The following HTR2C variants were observed in gnomAD, a reference collection of about 807,000 sequenced individuals.
HTR2C encodes the protein 5-hydroxytryptamine (serotonin) receptor 2C, G protein-coupled.
A neutral mutation model predicts 21.0 loss-of-function variants in HTR2C; 5 were observed. The observed-to-expected ratio is 0.24, with a 90% CI of 0.12 to 0.50. The LOEUF is 0.50. Ranked by LOEUF, HTR2C falls within the 20% of genes least tolerant of loss-of-function variation. The pLI is 0.98. For synonymous variants in HTR2C, 150 were observed against 145.3 expected (o/e 1.03, Z -0.23); for missense variants, 271 against 371.2 (o/e 0.73, Z 2.22).
chrX:114,767,889 G>A (rs2147386816), intron 4 of HTR2C, among the ~76,000 whole-genome samples: 1 of 109,827 alleles, frequency 9.1e-6, no homozygotes, highest in African/African-American at 3.3e-5. Flanking sequence ...CCAGTGAGTG[G>A]CACATATAAA....
chrX:114,786,347 T>C (rs2070174130), intron 4 of HTR2C, among the ~76,000 whole-genome samples: 1 of 112,039 alleles, frequency 8.9e-6, no homozygotes, highest in African/African-American at 3.2e-5. Context: ...GGGTTACACA[T>C]GAGCACCAAG....
intron 4 of HTR2C, among the ~76,000 whole-genome samples, chrX:114,758,903 C>A (rs1412440185): frequency 9.0e-6 from 1 of 111,722 alleles, no homozygotes; most frequent in South Asian, 3.7e-4. Context: ...TTGCCTGATA[C>A]AGATATTTTA....
At chrX:114,838,244 A>G (rs1178514171) in intron 4 of HTR2C, among the ~76,000 whole-genome samples, 1 of 111,639 alleles carries the variant, frequency 9.0e-6, no homozygotes, top group Admixed American at 9.5e-5. Context: ...AAGTTTTGCT[A>G]TTGACACTGT....
chrX:114,732,582 A>G (rs2147347349), intron 4 of HTR2C, among the ~76,000 whole-genome samples: 1 of 111,809 alleles, frequency 8.9e-6, no homozygotes, highest in South Asian at 3.7e-4. Flanking sequence ...GCAACAGTAG[A>G]TTATCTTAAT....
At chrX:114,621,338 G>T (rs1222955372) in intron 2 of HTR2C, among the ~76,000 whole-genome samples, 1 of 112,173 alleles carries the variant, frequency 8.9e-6, no homozygotes, top group African/African-American at 3.2e-5. Context: ...ACTCAGCTCT[G>T]CCATTGTAGC....
intron 5 of HTR2C, among the ~76,000 whole-genome samples, chrX:114,882,068 T>C (rs2071185857): frequency 9.0e-6 from 1 of 110,919 alleles, no homozygotes; most frequent in South Asian, 3.7e-4. Context: ...TGCATTTCTT[T>C]GGTTAAAATT....
At chrX:114,883,274 A>G (rs1270985067) in intron 5 of HTR2C, among the ~76,000 whole-genome samples, 1 of 110,206 alleles carries the variant, frequency 9.1e-6, no homozygotes, top group East Asian at 2.8e-4. Context: ...CTACCTATCT[A>G]TCCATCCATC....
Position 114,657,163 on chromosome X carries a change from CATG to C in HTR2C, c.-80+43285_-80+43287del, listed in dbSNP as rs1556409399. Reference sequence around the variant, plus strand: ...TTATCTTGACACATTTCTTGATTTTCATGATATTAGTGTAAAATATAAATATTT... The same window carrying C: ...TTATCTTGACACATTTCTTGATTTTCATATTAGTGTAAAATATAAATATTT... On this transcript the variant is annotated intron_variant, in intron 2 of 5. Coordinates refer to ENST00000276198, the MANE Select transcript of HTR2C (RefSeq NM_000868.4). Among the ~76,000 whole-genome samples the C allele has an allele frequency of 6.3e-5, 7 of 110,744 alleles. No individual in the cohort carries two copies. In the South Asian group the frequency reaches 1.1e-3, roughly 18 times the overall value.
chrX:114,697,678 C>G (rs1932319916), intron 2 of HTR2C, among the ~76,000 whole-genome samples: 1 of 112,559 alleles, frequency 8.9e-6, no homozygotes, highest in African/African-American at 3.2e-5. Context: ...TTCTTCACCC[C>G]TGTTCTCTAC....
chrX:114,646,226 G>GTGATATTCTT (rs1556407503), intron 2 of HTR2C, among the ~76,000 whole-genome samples: 1 of 111,463 alleles, frequency 9.0e-6, no homozygotes, highest in East Asian at 2.8e-4. Flanking sequence ...TTAGATTTTT[G>GTGATATTCTT]TGATATTCTT....
At chrX:114,645,067 AGAAAAG>A (rs1175316227) in intron 2 of HTR2C, among the ~76,000 whole-genome samples, 2 of 111,010 alleles carry the variant, frequency 1.8e-5, no homozygotes, top group African/African-American at 6.6e-5. Context: ...CCAAAACACA[AGAAAAG>A]GCAGCATTTC....
chrX:114,802,740 T>TTCTTTCTTTC (rs1556447312), intron 4 of HTR2C, among the ~76,000 whole-genome samples: 2 of 100,627 alleles, frequency 2.0e-5, no homozygotes, highest in African/African-American at 7.5e-5. Context: ...CTTTCTTTCT[T>TTCTTTCTTTC]ATTATTATAC....
chrX:114,721,589 GC>G (rs1334722664), intron 2 of HTR2C, among the ~76,000 whole-genome samples: 2 of 106,399 alleles, frequency 1.9e-5, no homozygotes, highest in Non-Finnish European at 3.9e-5. Context: ...TGAAGTCCTT[GC>G]CCATGCCTAT....
At chrX:114,772,327 C>G (rs782808214) in intron 4 of HTR2C, among the ~76,000 whole-genome samples, 2 of 111,627 alleles carry the variant, frequency 1.8e-5, no homozygotes, top group African/African-American at 6.5e-5. Context: ...TATTTCATAT[C>G]ATCTACTACC....
intron 2 of HTR2C, among the ~76,000 whole-genome samples, chrX:114,710,255 T>C (rs782226779): frequency 9.0e-6 from 1 of 111,446 alleles, no homozygotes; most frequent in South Asian, 3.8e-4. Context: ...TGCAACCCCG[T>C]CTCTAAACAA....
chrX:114,715,193 T>C (rs782395230), intron 2 of HTR2C: 1 of 333,551 alleles, frequency 3.0e-6, no homozygotes, highest in African/African-American at 2.6e-5. Flanking sequence ...TTCCCCTTTA[T>C]ATAGGATGTC....
intron 4 of HTR2C, among the ~76,000 whole-genome samples, chrX:114,737,684 T>A (rs2069605486): frequency 8.9e-6 from 1 of 111,865 alleles, no homozygotes; most frequent in Admixed American, 9.5e-5. Context: ...TAGATTTACA[T>A]GCAAATCAAT....
intron 2 of HTR2C, among the ~76,000 whole-genome samples, chrX:114,621,969 T>C (rs1392074282): frequency 8.1e-5 from 9 of 111,736 alleles, no homozygotes; most frequent in African/African-American, 2.6e-4. Context: ...GGAGAAAGTA[T>C]AGAAATGACT....
In HTR2C at chrX:114,907,214, G is replaced by A. The variant is rs1556487259; in HGVS notation, c.1176G>A (p.Lys392=). 2 of 1,211,424 alleles carry A rather than the reference G, an allele frequency of 1.7e-6. No homozygotes were observed. Among genetic ancestry groups the A allele is most frequent in the East Asian group, 5.9e-5 (2 of 33,807 alleles). ...YLRCNYKVEK[K]PPVRQIPRVA... ...GTTGCAATTATAAGGTAGAGAAAAAGCCTCCTGTCAGGCAGATTCCAAGAG... is the reference window on the plus strand; with the variant it reads ...GTTGCAATTATAAGGTAGAGAAAAAACCTCCTGTCAGGCAGATTCCAAGAG... Residue 392 remains lysine, a synonymous_variant, in exon 6 of 6, where the codon AAG becomes AAA. Coordinates refer to ENST00000276198, the MANE Select transcript of HTR2C (RefSeq NM_000868.4).
Sources: gnomAD v4.1 joint callset for allele counts (sites outside exome capture counted in the v4.1 genomes callset) on GRCh38, gnomAD v4.1.1 for gene constraint, MANE v1.5 for transcripts, NCBI Gene and HGNC (gene_info 2026-07-23, HGNC 2026-07-21) for gene names.